OR8J3: variants seen among roughly 807,000 people sequenced by gnomAD.
The protein encoded by OR8J3 is olfactory receptor 8J3.
For missense variants in OR8J3, 418 were observed against 379.8 expected (o/e 1.10, Z -0.84); for synonymous variants, 170 against 142.6 (o/e 1.19, Z -1.37).
chr11:56,135,847 A>AT lies in OR8J3; in HGVS notation c.*923dup, dbSNP rs1486585156. The AT allele has an allele frequency of 2.0e-5, 3 of 151,946 alleles. No homozygotes were observed. Among genetic ancestry groups the AT allele is most frequent in the Non-Finnish European group, 4.4e-5 (3 of 67,856 alleles). 9.4% of individuals were successfully genotyped at this position (151,946 alleles called of 1,614,324 possible). On this transcript the variant is annotated 3_prime_UTR_variant, in exon 2 of 2. Transcript: ENST00000642058. ...TGAGTTTTTTGACTTTTGCCTTATGATTTTTATTTGATAAGTCTGGGATAT... is the reference window on the plus strand; with the variant it reads ...TGAGTTTTTTGACTTTTGCCTTATGATTTTTTATTTGATAAGTCTGGGATAT...
rs1280995543 is a variant in OR8J3 at position 56,137,891 on chromosome 11, A to T, written c.-173T>A. The T allele has an allele frequency of 3.3e-6, 2 of 605,848 alleles. No homozygotes were observed. The highest frequency in any genetic ancestry group is 5.6e-6 in the Non-Finnish European group (2 of 354,644). 37.5% of individuals were successfully genotyped at this position (605,848 alleles called of 1,614,324 possible). On this transcript the variant is annotated 5_prime_UTR_variant, in exon 2 of 2. Coordinates refer to ENST00000642058, the MANE Select transcript of OR8J3 (RefSeq NM_001004064.2). ...CTCAGTATTCTCAGTCTAATAAATC[A>T]GCTTTGCAATCACTTGGGAGAGAGT... is the stretch of plus-strand genomic sequence containing the variant.
chr11:56,135,362 C>T lies in OR8J3; in HGVS notation c.*1409G>A, dbSNP rs1456819206. The T allele has an allele frequency of 1.3e-5, 2 of 151,892 alleles. No homozygotes were observed. Among genetic ancestry groups the T allele is most frequent in the Non-Finnish European group, 2.9e-5 (2 of 67,862 alleles). 9.4% of individuals were successfully genotyped at this position (151,892 alleles called of 1,614,324 possible). A position where few individuals can be genotyped will look rare whatever the true frequency, so the allele number is the denominator to read the frequency against. On this transcript the variant is annotated 3_prime_UTR_variant, in exon 2 of 2. Coordinates refer to ENST00000642058, the MANE Select transcript of OR8J3 (RefSeq NM_001004064.2). ...AAAGTGATTATGTTACCTCAAAAAT[C>T]TCATCTTATGCAAACAAGATAGCTT...
chr11:56,136,094 A>C lies in OR8J3; in HGVS notation c.*677T>G, dbSNP rs1854327752. 1 of 152,064 alleles carries C rather than the reference A, an allele frequency of 6.6e-6. No individual in the cohort carries two copies. Among genetic ancestry groups the C allele is most frequent in the African/African-American group, 2.4e-5 (1 of 41,454 alleles). The allele number at this position is 152,064 out of a possible 1,614,324, so 9.4% of individuals were successfully genotyped here. On this transcript the variant is annotated 3_prime_UTR_variant, in exon 2 of 2. Transcript: ENST00000642058. ...ATGAATGATATTTAGAGGAAGGAGA[A>C]AAGGAAATTTTTATAAAATCTGATG...
chr11:56,137,384 A>T lies in OR8J3; in HGVS notation c.335T>A (p.Val112Glu). 6.2e-7 allele frequency: 1 copy of T among 1,614,116 alleles called. No homozygotes were observed. ...GGFLFFIVSE[V>E]MMLAVMAYDR... Reference sequence around the variant, plus strand: ...ATAGGCCATCACAGCCAGCATCATTACCTCCGATACAATAAAGAACAAGAA... The same window carrying T: ...ATAGGCCATCACAGCCAGCATCATTTCCTCCGATACAATAAAGAACAAGAA... The change falls in exon 2 of 2, where the codon GTA (valine) becomes GAA (glutamate). Residue 112 changes from valine to glutamate, a missense_variant. Transcript: ENST00000642058.
rs1854351714 is a variant in OR8J3, at chr11:56,137,893, C to T, written c.-175G>A. The T allele has an allele frequency of 1.7e-6, 1 of 600,674 alleles. No homozygotes were observed. The highest frequency in any genetic ancestry group is 2.3e-5 in the South Asian group (1 of 43,040). 37.2% of individuals were successfully genotyped at this position (600,674 alleles called of 1,614,324 possible). On this transcript the variant is annotated 5_prime_UTR_variant, in exon 2 of 2. Transcript: ENST00000642058. ...CAGTATTCTCAGTCTAATAAATCAGCTTTGCAATCACTTGGGAGAGAGTAA... is the reference window on the plus strand; with the variant it reads ...CAGTATTCTCAGTCTAATAAATCAGTTTTGCAATCACTTGGGAGAGAGTAA...
In OR8J3 at chr11:56,136,743, C is replaced by T; in HGVS notation, c.*28G>A. ...CATAATGGCAGGTTACATGAACTATCTCTTCATTTATTTATAGAGCTCTAA... is the reference window on the plus strand; with the variant it reads ...CATAATGGCAGGTTACATGAACTATTTCTTCATTTATTTATAGAGCTCTAA... On this transcript the variant is annotated 3_prime_UTR_variant, in exon 2 of 2. Transcript: ENST00000642058. 1 of 1,268,560 alleles carries T rather than the reference C, an allele frequency of 7.9e-7. No homozygotes were observed. 78.6% of individuals were successfully genotyped at this position (1,268,560 alleles called of 1,614,324 possible). A position where few individuals can be genotyped will look rare whatever the true frequency, so the allele number is the denominator to read the frequency against.
In OR8J3 at chr11:56,137,115, A is replaced by T. The variant is rs767141122; in HGVS notation, c.604T>A (p.Ser202Thr). 1 of 1,613,380 alleles carries T rather than the reference A, an allele frequency of 6.2e-7. No homozygotes were observed. Among genetic ancestry groups the T allele is most frequent in the East Asian group, 2.2e-5 (1 of 44,886 alleles). The stretch of plus-strand genomic sequence containing the variant: ...GAAAAAACCAAATTTGTTGCTGCAG[A>T]TATAAAGACTATTGTTTCTGGTATG... ...TYIPETIVFI[S>T]AATNLVFSMI... Residue 202 changes from serine to threonine, a missense_variant, in exon 2 of 2, where the codon TCT becomes ACT. Transcript: ENST00000642058.
At position 56,137,614 on chromosome 11, in the gene OR8J3, A is replaced by G; in HGVS notation, c.105T>C (p.Tyr35=). 6.2e-7 allele frequency: 1 copy of G among 1,614,226 alleles called. No individual in the cohort carries two copies. Among genetic ancestry groups the G allele is most frequent in the Non-Finnish European group, 8.5e-7 (1 of 1,180,044 alleles). The part of the protein sequence containing the change: ...IPLFLVFLVL[Y]VLTMAGNLGI... Reference sequence around the variant, plus strand: ...CCAGGTTCCCTGCCATGGTCAGCACATAGAGCACTAGGAAGACCAGGAAGA... The same window carrying G: ...CCAGGTTCCCTGCCATGGTCAGCACGTAGAGCACTAGGAAGACCAGGAAGA... The change falls in exon 2 of 2, where the codon TAT becomes TAC. Residue 35 remains tyrosine (Y), a synonymous_variant. Transcript: ENST00000642058.
Position 56,137,035 on chromosome 11 carries a change from T to C in OR8J3, c.684A>G (p.Ile228Met). The C allele has an allele frequency of 6.2e-7, 1 of 1,613,866 alleles. No individual in the cohort carries two copies. Among genetic ancestry groups the C allele is most frequent in the East Asian group, 2.2e-5 (1 of 44,872 alleles). The change falls in exon 2 of 2, where the codon ATA becomes ATG. Residue 228 changes from isoleucine (I) to methionine (M), a missense_variant. Coordinates refer to ENST00000642058, the MANE Select transcript of OR8J3 (RefSeq NM_001004064.2). ...CTTTTTTCCTTCCTTCTGGTGAACG[T>C]ATCCTTAGAATGGACAAAACAATAT... ...YFNIVLSILR[I>M]RSPEGRKKAF... is the part of the protein sequence containing the mutation.
rs1319047446 is a variant in OR8J3, at chr11:56,137,200, T to C, written c.519A>G (p.Ile173Met). 4 of 1,613,680 alleles carry C rather than the reference T, an allele frequency of 2.5e-6. No individual in the cohort carries two copies. Among genetic ancestry groups the C allele is most frequent in the Non-Finnish European group, 3.4e-6 (4 of 1,179,886 alleles). The change falls in exon 2 of 2, where the codon ATA (isoleucine) becomes ATG (methionine). Residue 173 changes from isoleucine to methionine, a missense_variant. Transcript: ENST00000642058. ...IFSVSYCSSN[I>M]INHFYCDIAP... ...CAATATCACAGTAAAAATGATTGAT[T>C]ATATTAGAAGAGCAATAAGACACAG...
rs1854318321 is a variant in OR8J3, at chr11:56,135,174, C to G, written c.*1597G>C. ...TTTATAAAAACTGAGTTTGGTGGAA[C>G]AAATTTTGTTATTAAACATGTGGTT... On this transcript the variant is annotated 3_prime_UTR_variant, in exon 2 of 2. Coordinates refer to ENST00000642058, the MANE Select transcript of OR8J3 (RefSeq NM_001004064.2). 6.6e-6 allele frequency: 1 copy of G among 151,722 alleles called. No homozygotes were observed. The highest frequency in any genetic ancestry group is 1.9e-4 in the East Asian group (1 of 5,184). The allele number at this position is 151,722 out of a possible 1,614,324, so 9.4% of individuals were successfully genotyped here.
At position 56,136,993 on chromosome 11, in the gene OR8J3, A is replaced by G; in HGVS notation, c.726T>C (p.Ala242=). The G allele has an allele frequency of 6.2e-7, 1 of 1,613,492 alleles. No individual in the cohort carries two copies. The highest frequency in any genetic ancestry group is 8.5e-7 in the Non-Finnish European group (1 of 1,179,862). The change falls in exon 2 of 2, where the codon GCT becomes GCC. Residue 242 remains alanine, a synonymous_variant. Transcript: ENST00000642058. ...AAACCGTGACTGCTATCATATGCGAAGCGCAGGTGGAAAAGGCTTTTTTCC... is the reference window on the plus strand; with the variant it reads ...AAACCGTGACTGCTATCATATGCGAGGCGCAGGTGGAAAAGGCTTTTTTCC... ...EGRKKAFSTC[A]SHMIAVTVFY...
Position 56,136,036 on chromosome 11 carries a change from A to G in OR8J3, c.*735T>C, listed in dbSNP as rs1854327153. ...AAGTTTTTTTAAAGTTTATTAATAT[A>G]CAAAAATAGAACATTTGTTTTACCT... On this transcript the variant is annotated 3_prime_UTR_variant, in exon 2 of 2. Coordinates refer to ENST00000642058, the MANE Select transcript of OR8J3 (RefSeq NM_001004064.2). 6.6e-6 allele frequency: 1 copy of G among 152,040 alleles called. No homozygotes were observed. The highest frequency in any genetic ancestry group is 6.6e-5 in the Admixed American group (1 of 15,256). The allele number at this position is 152,040 out of a possible 1,614,324, so 9.4% of individuals were successfully genotyped here.
In OR8J3 at chr11:56,137,948, G is replaced by A; in HGVS notation, c.-230C>T. On this transcript the variant is annotated 5_prime_UTR_variant, in exon 2 of 2. Transcript: ENST00000642058. ...AGTATGGTAAATTTAGTATGGCAAA[G>A]TAAATAGTTGTTTCAGCATCCTGCA... is the stretch of plus-strand genomic sequence containing the variant. 1 of 507,124 alleles carries A rather than the reference G, an allele frequency of 2.0e-6. No homozygotes were observed. The highest frequency in any genetic ancestry group is 3.5e-6 in the Non-Finnish European group (1 of 289,098). The allele number at this position is 507,124 out of a possible 1,614,324, so 31.4% of individuals were successfully genotyped here.
chr11:56,138,758 G>A (rs1479873662), intron 1 of OR8J3, among the ~76,000 whole-genome samples: 3 of 150,978 alleles, frequency 2.0e-5, no homozygotes, highest in African/African-American at 2.4e-5. Context: ...ATGCTTTCCT[G>A]GGTACTACTT....
At position 56,137,363 on chromosome 11, in the gene OR8J3, G is replaced by C; in HGVS notation, c.356C>G (p.Ala119Gly). The stretch of plus-strand genomic sequence containing the variant: ...ACAAATGGCCACATAGCGGTCATAG[G>C]CCATCACAGCCAGCATCATTACCTC... The part of the protein sequence containing the change: ...VSEVMMLAVM[A>G]YDRYVAICNP... The change falls in exon 2 of 2, where the codon GCC becomes GGC. Residue 119 changes from alanine to glycine, a missense_variant. Transcript: ENST00000642058. 6.2e-7 allele frequency: 1 copy of C among 1,613,944 alleles called. No individual in the cohort carries two copies. The highest frequency in any genetic ancestry group is 8.5e-7 in the Non-Finnish European group (1 of 1,179,982).
At chr11:56,138,582 G>A (rs1286331349) in intron 1 of OR8J3, 85 bp from the exon 2 acceptor site, 1 of 152,144 alleles carries the variant, frequency 6.6e-6, no homozygotes, top group Non-Finnish European at 1.5e-5. Context: ...GGCTGAGGCA[G>A]GAGAATGGCG....
chr11:56,139,002 A>G (rs960709326), intron 1 of OR8J3, among the ~76,000 whole-genome samples: 7 of 152,054 alleles, frequency 4.6e-5, no homozygotes, highest in Non-Finnish European at 7.4e-5. Context: ...GGTTTTTATG[A>G]TAATTATGTT....
rs200639159 is a variant in OR8J3, at chr11:56,137,738, T to C, written c.-20A>G. The C allele has an allele frequency of 6.4e-7, 1 of 1,573,130 alleles. No individual in the cohort carries two copies. The highest frequency in any genetic ancestry group is 8.6e-7 in the Non-Finnish European group (1 of 1,159,232). On this transcript the variant is annotated 5_prime_UTR_variant, in exon 2 of 2. An upstream start codon of the reference 5' UTR is lost. Transcript: ENST00000642058. ...AGCCATGTCAGAGTTTGGAAATTCA[T>C]CTGTTTGAGGAAGAAAATAAGTGGT...
Sources: allele counts gnomAD v4.1 joint callset (sites outside exome capture counted in the v4.1 genomes callset), GRCh38; gene constraint gnomAD v4.1.1; transcripts MANE v1.5; gene names NCBI Gene and HGNC (gene_info 2026-07-23, HGNC 2026-07-21).